PHYHIPL: variants seen among roughly 807,000 people sequenced by gnomAD.
PHYHIPL encodes phytanoyl-CoA hydroxylase-interacting protein-like.
In PHYHIPL, 9 loss-of-function variants were observed where a neutral mutation model predicts 33.4. The ratio of observed to expected loss-of-function variants is 0.27; its 90% CI spans 0.16 to 0.47. PHYHIPL has a LOEUF of 0.47. PHYHIPL is among the 20% of genes least tolerant of loss of function. The pLI is 0.99. For missense variants in PHYHIPL, 365 were observed against 460.7 expected (o/e 0.79, Z 1.90); for synonymous variants, 153 against 154.1 (o/e 0.99, Z 0.05).
rs1267654960 is a variant in PHYHIPL, at chr10:59,210,373, G to A, written c.107-23931G>A. On this transcript the variant is annotated intron_variant, in intron 1 of 4. Transcript: ENST00000373880. ...GAGAAATGCAAATCAAAACCACAATGAGATACCATCTCAAGCCAGTTAGAA... is the reference window on the plus strand; with the variant it reads ...GAGAAATGCAAATCAAAACCACAATAAGATACCATCTCAAGCCAGTTAGAA... Among the ~76,000 whole-genome samples, 3 of 152,190 alleles carry A rather than the reference G, an allele frequency of 2.0e-5. No individual in the cohort carries two copies. In the East Asian group the frequency reaches 5.8e-4, roughly 29 times the overall value.
At chr10:59,187,337 T>A (rs1838638688) in intron 1 of PHYHIPL, among the ~76,000 whole-genome samples, 1 of 152,218 alleles carries the variant, frequency 6.6e-6, no homozygotes, top group Non-Finnish European at 1.5e-5. Flanking sequence ...GTGGATGAGC[T>A]TTTTGATGTG....
At chr10:59,192,495 G>T (rs1243482586) in intron 1 of PHYHIPL, among the ~76,000 whole-genome samples, 2 of 152,190 alleles carry the variant, frequency 1.3e-5, no homozygotes, top group East Asian at 3.9e-4. Flanking sequence ...AATGCTTTTG[G>T]TAGCATGACC....
chr10:59,176,865 G>A lies in PHYHIPL; in HGVS notation c.12G>A (p.Pro4=). 2 of 1,612,344 alleles carry A rather than the reference G, an allele frequency of 1.2e-6. No individual in the cohort carries two copies. The highest frequency in any genetic ancestry group is 1.7e-6 in the Non-Finnish European group (2 of 1,179,270). ...AGTGGGTTGGAAAAATGGAGGTGCC[G>A]CGCCTGGATCATGCCCTCAACAGCC... is the stretch of plus-strand genomic sequence containing the variant. MEV[P]RLDHALNSPT... The change falls in exon 1 of 5, where the codon CCG becomes CCA. Residue 4 remains proline (P), a synonymous_variant. Coordinates refer to ENST00000373880, the MANE Select transcript of PHYHIPL (RefSeq NM_032439.4).
rs1361905709 is a variant in PHYHIPL, at chr10:59,234,372, A to C, written c.175A>C (p.Ser59Arg). 6.2e-7 allele frequency: 1 copy of C among 1,602,256 alleles called. No individual in the cohort carries two copies. Among genetic ancestry groups the C allele is most frequent in the Non-Finnish European group, 8.5e-7 (1 of 1,175,950 alleles). The change falls in exon 2 of 5, where the codon AGC (serine) becomes CGC (arginine). Residue 59 changes from serine (S) to arginine (R), a missense_variant. Transcript: ENST00000373880. ...TCCTGTACCACATAACATCAAAATA[A>C]GCAATATAACGTGTGACTCATTCAA... is the stretch of plus-strand genomic sequence containing the variant. ...ELPVPHNIKI[S>R]NITCDSFKIS...
intron 1 of PHYHIPL, chr10:59,221,717 C>G: frequency 1.0e-6 from 1 of 981,864 alleles, no homozygotes; most frequent in South Asian, 4.7e-5. Flanking sequence ...CAGAGATAAA[C>G]AAGTTTTCCT....
Position 59,234,435 on chromosome 10 carries a change from A to G in PHYHIPL, c.238A>G (p.Ile80Val), listed in dbSNP as rs1445560592. 1.3e-6 allele frequency: 2 copies of G among 1,599,774 alleles called. No homozygotes were observed. The highest frequency in any genetic ancestry group is 2.3e-5 in the South Asian group (2 of 88,398). The stretch of plus-strand genomic sequence containing the variant: ...AATGGATTCAAAATCAAAGGATCGC[A>G]TTACACACTATTTTATTGACCTCAA... ...WEMDSKSKDR[I>V]THYFIDLNKK... The change falls in exon 2 of 5, where the codon ATT becomes GTT. Residue 80 changes from isoleucine to valine, a missense_variant. Physicochemically the swap from Ile to Val is conservative, Grantham distance 29. Around this residue, in one of 4 missense-constraint regions of PHYHIPL, gnomAD observed 63 missense variants for 119.3 expected, o/e 0.53. Transcript: ENST00000373880.
At chr10:59,210,540 C>T (rs1839412707) in intron 1 of PHYHIPL, among the ~76,000 whole-genome samples, 1 of 152,114 alleles carries the variant, frequency 6.6e-6, no homozygotes, top group South Asian at 2.1e-4. Context: ...GATCTAGAAC[C>T]AGAAATACCA....
At chr10:59,183,654 T>C in intron 1 of PHYHIPL, 2 of 985,230 alleles carry the variant, frequency 2.0e-6, no homozygotes, top group Non-Finnish European at 2.4e-6. Flanking sequence ...GAGCTCTGTA[T>C]TTTGAAGATG....
Position 59,245,161 on chromosome 10 carries a change from C to G in PHYHIPL, c.701C>G (p.Thr234Ser). The G allele has an allele frequency of 6.2e-7, 1 of 1,614,116 alleles. No homozygotes were observed. ...GAAGGCATCTTCTTCAGCTGCAGCACTGAATTCAATACTGGAAAGCCACCC... is the reference window on the plus strand; with the variant it reads ...GAAGGCATCTTCTTCAGCTGCAGCAGTGAATTCAATACTGGAAAGCCACCC... ...KLEGIFFSCS[T>S]EFNTGKPPQD... The change falls in exon 5 of 5, where the codon ACT (threonine) becomes AGT (serine). Residue 234 changes from threonine to serine, a missense_variant. Physicochemically the swap from Thr to Ser is moderately conservative, Grantham distance 58 (BLOSUM62 1). Coordinates refer to ENST00000373880, the MANE Select transcript of PHYHIPL (RefSeq NM_032439.4).
rs781534441 is a variant in PHYHIPL at position 59,243,681 on chromosome 10, TG to T, written c.597-1371del. ...TAAACTCTTTAAGAAGCATGTTGAC[TG>T]GGGGAACTTTCCCTTACTTGAGTAG... On this transcript the variant is annotated intron_variant, in intron 4 of 4. Coordinates refer to ENST00000373880, the MANE Select transcript of PHYHIPL (RefSeq NM_032439.4). Among the ~76,000 whole-genome samples, 6 of 152,074 alleles carry T rather than the reference TG, an allele frequency of 3.9e-5. No individual in the cohort carries two copies. In the East Asian group the frequency reaches 9.6e-4, roughly 24 times the overall value.
chr10:59,194,085 T>G (rs1564703703), intron 1 of PHYHIPL, among the ~76,000 whole-genome samples: 1 of 148,228 alleles, frequency 6.7e-6, no homozygotes, highest in African/African-American at 2.5e-5. Flanking sequence ...TATATGTTTT[T>G]TTTTTTTTTT....
intron 1 of PHYHIPL, among the ~76,000 whole-genome samples, chr10:59,230,212 CT>C (rs71006238): frequency 1.9e-4 from 24 of 123,366 alleles, no homozygotes; most frequent in African/African-American, 3.1e-4. Context: ...AAATTGCTTT[CT>C]TTTTTTTTTT....
At chr10:59,233,122 G>A (rs927391884) in intron 1 of PHYHIPL, among the ~76,000 whole-genome samples, 1 of 151,902 alleles carries the variant, frequency 6.6e-6, no homozygotes, top group Non-Finnish European at 1.5e-5. Context: ...TATTGTTCAA[G>A]AAATAAAATC....
At chr10:59,189,744 G>A (rs1208286487) in intron 1 of PHYHIPL, among the ~76,000 whole-genome samples, 1 of 151,908 alleles carries the variant, frequency 6.6e-6, no homozygotes, top group Non-Finnish European at 1.5e-5. Flanking sequence ...AGAGAAAGTG[G>A]TTATTTCTAT....
intron 1 of PHYHIPL, among the ~76,000 whole-genome samples, chr10:59,178,421 C>A (rs1838314363): frequency 6.6e-6 from 1 of 152,016 alleles, no homozygotes; most frequent in Non-Finnish European, 1.5e-5. Context: ...TGATTATAGA[C>A]TGTAAAGATT....
chr10:59,174,393 T>A (rs1369899425), upstream of PHYHIPL, among the ~76,000 whole-genome samples: 2 of 152,182 alleles, frequency 1.3e-5, no homozygotes, highest in Non-Finnish European at 2.9e-5. Flanking sequence ...AGAAACCCTA[T>A]CATTTGGTCC....
chr10:59,215,823 C>T (rs147868798), intron 1 of PHYHIPL, among the ~76,000 whole-genome samples: 2 of 105,862 alleles, frequency 1.9e-5, no homozygotes, highest in African/African-American at 3.5e-5. Context: ...AGACAGACAA[C>T]CAGCCTTCAT....
intron 4 of PHYHIPL, among the ~76,000 whole-genome samples, chr10:59,239,036 C>T (rs1840312989): frequency 6.6e-6 from 1 of 151,852 alleles, no homozygotes; most frequent in South Asian, 2.1e-4. Flanking sequence ...ATTTTTTCCT[C>T]TTTTCATGGG....
At chr10:59,229,859 C>G (rs996405683) in intron 1 of PHYHIPL, among the ~76,000 whole-genome samples, 1 of 151,998 alleles carries the variant, frequency 6.6e-6, no homozygotes, top group Non-Finnish European at 1.5e-5. Flanking sequence ...GGCGCATACT[C>G]TTAGTTAGGT....
Sources: allele counts gnomAD v4.1 joint callset (sites outside exome capture counted in the v4.1 genomes callset), GRCh38; gene constraint gnomAD v4.1.1; regional missense constraint gnomAD v4.1.1; transcripts MANE v1.5; gene names NCBI Gene and HGNC (gene_info 2026-07-23, HGNC 2026-07-21).